Variants in NHSL1 observed in about 807,000 individuals in gnomAD.
The protein encoded by NHSL1 is NHS like 1.
Under a neutral mutation model 95.0 loss-of-function variants are expected in NHSL1, and 48 were observed. The ratio of observed to expected loss-of-function variants is 0.51; its 90% CI spans 0.40 to 0.64. The LOEUF (loss-of-function observed/expected upper bound fraction) is 0.64, where lower values mean the gene tolerates loss of function less well. Ranked by LOEUF, NHSL1 falls within the 30% of genes least tolerant of loss-of-function variation. The pLI is 0.00. For missense variants in NHSL1, 1,971 were observed against 2,077.7 expected (o/e 0.95, Z 1.00); for synonymous variants, 783 against 833.9 (o/e 0.94, Z 1.05).
intron 1 of NHSL1, among the ~76,000 whole-genome samples, chr6:138,684,194 A>T (rs1191957918): frequency 6.9e-6 from 1 of 145,408 alleles, no homozygotes; most frequent in Non-Finnish European, 1.5e-5. Flanking sequence ...CCTGGGAGAC[A>T]GAGCAAGACT....
intron 1 of NHSL1, among the ~76,000 whole-genome samples, chr6:138,583,672 T>C (rs950992177): frequency 1.3e-5 from 2 of 152,206 alleles, no homozygotes; most frequent in Admixed American, 1.3e-4. Flanking sequence ...TGGTCCATCA[T>C]ATGCTGTTCA....
rs56326954 is a variant in NHSL1, at chr6:138,423,815, C to CAAAAAAA, written c.*259_*265dup. On this transcript the variant is annotated 3_prime_UTR_variant, in exon 8 of 8. Coordinates refer to ENST00000343505, the MANE Select transcript of NHSL1 (RefSeq NM_001144060.2). ...GCACACATACACACCCAGCATTTAG[C>CAAAAAAA]AAAAAAAAAAAAAAAAAAAAAAAAT... The CAAAAAAA allele has an allele frequency of 2.0e-3, 283 of 139,096 alleles. 7 individuals are homozygous for CAAAAAAA. Among genetic ancestry groups the CAAAAAAA allele is most frequent in the African/African-American group, 9.9e-3 (262 of 26,522 alleles). The allele number at this position is 139,096 out of a possible 1,614,324, so 8.6% of individuals were successfully genotyped here. A position where few individuals can be genotyped will look rare whatever the true frequency, so the allele number is the denominator to read the frequency against.
Position 138,430,633 on chromosome 6 carries a change from C to A in NHSL1, c.3712G>T (p.Val1238Leu), listed in dbSNP as rs1309640611. The change falls in exon 6 of 8, where the codon GTG becomes TTG. Residue 1238 changes from valine to leucine, a missense_variant. Coordinates refer to ENST00000343505, the MANE Select transcript of NHSL1 (RefSeq NM_001144060.2). The surrounding 1 kb of genome is among the most constrained non-coding windows in gnomAD (Gnocchi z 4.7). ...PSPTTGEEGS[V>L]HSREAKESSA... ...CTCTCTTTTGCCTCCCTGCTGTGCA[C>A]AGAGCCCTCCTCTCCCGTCGTGGGG... 1 of 1,551,644 alleles carries A rather than the reference C, an allele frequency of 6.4e-7. No individual in the cohort carries two copies. Among genetic ancestry groups the A allele is most frequent in the South Asian group, 1.2e-5 (1 of 84,050 alleles).
At chr6:138,511,402 G>A (rs1300063959) in intron 1 of NHSL1, among the ~76,000 whole-genome samples, 2 of 151,562 alleles carry the variant, frequency 1.3e-5, no homozygotes, top group Non-Finnish European at 2.9e-5. Flanking sequence ...GAGAGAGAGT[G>A]TGTGTGTGTA....
chr6:138,481,491 C>A (rs1779414795), intron 2 of NHSL1, among the ~76,000 whole-genome samples: 2 of 152,120 alleles, frequency 1.3e-5, no homozygotes, highest in Non-Finnish European at 2.9e-5. Flanking sequence ...AATAAACAAA[C>A]TAGAACATAA....
chr6:138,538,356 T>C (rs1001018843), intron 1 of NHSL1, among the ~76,000 whole-genome samples: 4 of 152,152 alleles, frequency 2.6e-5, no homozygotes, highest in Admixed American at 6.5e-5. Flanking sequence ...ACCAAGGCAT[T>C]TTCTGAGGCC....
At chr6:138,473,202 G>T in intron 3 of NHSL1, 104 bp downstream of exon 3, 1 of 1,030,958 alleles carries the variant, frequency 9.7e-7, no homozygotes, top group Non-Finnish European at 1.3e-6. Context: ...CAATACTATT[G>T]ATTAAAATAC....
chr6:138,440,343 C>T (rs1776448084), intron 5 of NHSL1, among the ~76,000 whole-genome samples: 1 of 152,256 alleles, frequency 6.6e-6, no homozygotes, highest in African/African-American at 2.4e-5. Context: ...AGAGAAAGCA[C>T]ACATGTTTCC....
At chr6:138,437,740 A>G (rs1776280334) in intron 5 of NHSL1, among the ~76,000 whole-genome samples, 1 of 152,222 alleles carries the variant, frequency 6.6e-6, no homozygotes, top group South Asian at 2.1e-4. Context: ...CAACATTAGT[A>G]AGAGTCTGGA....
intron 2 of NHSL1, among the ~76,000 whole-genome samples, chr6:138,478,739 G>C (rs1239371162): frequency 6.6e-6 from 1 of 152,182 alleles, no homozygotes; most frequent in Admixed American, 6.5e-5. Context: ...TCTTGCAACA[G>C]AAATTTACAG....
chr6:138,493,303 T>C (rs957495284), intron 2 of NHSL1, among the ~76,000 whole-genome samples: 2 of 152,246 alleles, frequency 1.3e-5, no homozygotes, highest in Non-Finnish European at 2.9e-5. Context: ...TGAACCATTT[T>C]AGAGCATTAA....
intron 1 of NHSL1, among the ~76,000 whole-genome samples, chr6:138,675,762 G>C (rs1231336089): frequency 2.0e-5 from 3 of 152,102 alleles, no homozygotes; most frequent in Non-Finnish European, 4.4e-5. Flanking sequence ...TCGAACTCCT[G>C]ACCTCAGGTG....
At chr6:138,486,478 C>T (rs1562318637) in intron 2 of NHSL1, among the ~76,000 whole-genome samples, 1 of 152,108 alleles carries the variant, frequency 6.6e-6, no homozygotes, top group Admixed American at 6.5e-5. Context: ...CACCTGTGAG[C>T]GCCATGATGA....
intron 1 of NHSL1, among the ~76,000 whole-genome samples, chr6:138,515,554 C>T (rs956178943): frequency 2.0e-5 from 3 of 152,230 alleles, no homozygotes; most frequent in African/African-American, 7.2e-5. Context: ...AGGAGCTGTG[C>T]TCCTGGAGGA....
At chr6:138,454,435 A>G (rs1378030453) in intron 3 of NHSL1, among the ~76,000 whole-genome samples, 2 of 152,120 alleles carry the variant, frequency 1.3e-5, no homozygotes, top group Non-Finnish European at 2.9e-5. Context: ...AAAACTCCCC[A>G]TAAGAGAATG....
rs1393724118 is a variant in NHSL1, at chr6:138,429,731, G to A, written c.4065C>T (p.Asp1355=). ...AATACCTGTGAATAGCTGCAAAAAG[G>A]TCTTCTGTGGTCCTGGGTCGACTGG... The part of the protein sequence containing the change: ...MTPSRPRTTE[D]LFAAIHRSKR... The change falls in exon 7 of 8, where the codon GAC becomes GAT. Residue 1355 remains aspartate (D), a synonymous_variant. Transcript: ENST00000343505. The A allele has an allele frequency of 4.5e-6, 7 of 1,551,460 alleles. No homozygotes were observed. The highest frequency in any genetic ancestry group is 6.1e-6 in the Non-Finnish European group (7 of 1,146,880).
At chr6:138,475,538 T>A (rs900199548) in intron 2 of NHSL1, among the ~76,000 whole-genome samples, 1 of 152,088 alleles carries the variant, frequency 6.6e-6, no homozygotes, top group Non-Finnish European at 1.5e-5. Context: ...TGATTAGTAG[T>A]TTTCAAATGG....
chr6:138,589,307 T>C (rs2114517774), intron 1 of NHSL1, among the ~76,000 whole-genome samples: 1 of 152,022 alleles, frequency 6.6e-6, no homozygotes, highest in South Asian at 2.1e-4. Context: ...AATGACCTGA[T>C]CCCTAAATGA....
At chr6:138,503,810 C>T (rs949597183), upstream of NHSL1, among the ~76,000 whole-genome samples, 1 of 152,178 alleles carries the variant, frequency 6.6e-6, no homozygotes, top group African/African-American at 2.4e-5. Flanking sequence ...TTCAACATAT[C>T]TAATTTGAGA....
Sources: allele counts gnomAD v4.1 joint callset (sites outside exome capture counted in the v4.1 genomes callset), GRCh38; gene constraint gnomAD v4.1.1; non-coding constraint Gnocchi (gnomAD v3.1); transcripts MANE v1.5; gene names NCBI Gene and HGNC (gene_info 2026-07-23, HGNC 2026-07-21).